Variants in PCDHA7 observed in about 807,000 individuals in gnomAD.
The protein encoded by PCDHA7 is protocadherin alpha 7, also known as protocadherin alpha-7.
PCDHA7 carries 37 observed loss-of-function variants against 57.2 expected under a neutral mutation model. The observed-to-expected ratio is 0.65, with a 90% CI of 0.50 to 0.85. The LOEUF (loss-of-function observed/expected upper bound fraction) is 0.85. Among genes scored for constraint, PCDHA7 ranks in the 40% least tolerant of loss-of-function variants. PCDHA7 has a pLI of 0.00. For missense variants in PCDHA7, 1,188 were observed against 1,241.8 expected (o/e 0.96, Z 0.65); for synonymous variants, 553 against 558.8 (o/e 0.99, Z 0.15).
intron 1 of PCDHA7, chr5:140,869,509 A>T (rs199564677): frequency 3.1e-6 from 5 of 1,614,206 alleles, no homozygotes; most frequent in Non-Finnish European, 3.4e-6. Context: ...GTTCTCGCTC[A>T]GAGAACAAAA....
chr5:140,986,625 C>T (rs1312536887), intron 3 of PCDHA7, among the ~76,000 whole-genome samples: 2 of 152,122 alleles, frequency 1.3e-5, no homozygotes, highest in African/African-American at 4.8e-5. Flanking sequence ...TTACCTAAGG[C>T]AACAGTACAT....
At chr5:140,947,771 T>A (rs1167163964) in intron 1 of PCDHA7, among the ~76,000 whole-genome samples, 1 of 151,706 alleles carries the variant, frequency 6.6e-6, no homozygotes, top group Non-Finnish European at 1.5e-5. Flanking sequence ...AAAATTCTAT[T>A]GTAAATGGAT....
chr5:140,895,428 C>A (rs2065003978), intron 1 of PCDHA7, among the ~76,000 whole-genome samples: 1 of 152,154 alleles, frequency 6.6e-6, no homozygotes, highest in Non-Finnish European at 1.5e-5. Flanking sequence ...TTTGCTTCCT[C>A]CTGAGACTCT....
At chr5:140,948,227 A>G (rs1214697523) in intron 1 of PCDHA7, among the ~76,000 whole-genome samples, 17 of 151,634 alleles carry the variant, frequency 1.1e-4, no homozygotes, top group African/African-American at 4.1e-4. Flanking sequence ...GTTAGATTTA[A>G]CTTGTATTTT....
chr5:140,857,986 A>G (rs782102316), intron 1 of PCDHA7: 4 of 1,596,686 alleles, frequency 2.5e-6, no homozygotes, highest in East Asian at 2.2e-5. Flanking sequence ...GCCAGCGCCT[A>G]CTGGTGCTGG....
In PCDHA7 at chr5:141,010,432, C is replaced by T; in HGVS notation, c.*495C>T. On this transcript the variant is annotated 3_prime_UTR_variant, in exon 4 of 4. Coordinates refer to ENST00000525929, the MANE Select transcript of PCDHA7 (RefSeq NM_018910.3). The stretch of plus-strand genomic sequence containing the variant: ...AATTGGTACAAGGAAGGCAAGAAAA[C>T]AAAGACAAATAAACAGCGGAAGTTA... 1 of 1,056,970 alleles carries T rather than the reference C, an allele frequency of 9.5e-7. No individual in the cohort carries two copies. The highest frequency in any genetic ancestry group is 1.3e-6 in the Non-Finnish European group (1 of 756,282). 65.5% of individuals were successfully genotyped at this position (1,056,970 alleles called of 1,614,324 possible).
chr5:140,850,843 C>T, intron 1 of PCDHA7: 1 of 1,597,346 alleles, frequency 6.3e-7, no homozygotes, highest in African/African-American at 1.3e-5. Flanking sequence ...GCTGGATCTA[C>T]AGAGCGAACG....
At chr5:140,922,369 G>A (rs534587109) in intron 1 of PCDHA7, among the ~76,000 whole-genome samples, 1 of 152,320 alleles carries the variant, frequency 6.6e-6, no homozygotes, top group East Asian at 1.9e-4. Context: ...TTCTCACTGA[G>A]ATGCAAAACC....
intron 1 of PCDHA7, chr5:140,842,374 A>C: frequency 6.2e-7 from 1 of 1,609,340 alleles, no homozygotes; most frequent in Non-Finnish European, 8.5e-7. Flanking sequence ...CTGAGATAGC[A>C]CTGACTTCCT....
intron 1 of PCDHA7, among the ~76,000 whole-genome samples, chr5:140,840,447 C>T (rs1442089035): frequency 1.3e-5 from 2 of 151,740 alleles, no homozygotes; most frequent in East Asian, 1.9e-4. Flanking sequence ...GAAATAGAAA[C>T]GTTAAATAAA....
At position 140,836,731 on chromosome 5, in the gene PCDHA7, C is replaced by T. The variant is rs2150268895; in HGVS notation, c.2348C>T (p.Thr783Ile). Reference protein sequence around the residue: ...SPSLPQGPSSTDNPRQPNPDW... With the variant: ...SPSLPQGPSSIDNPRQPNPDW... ...AGCCTTCCTCAGGGTCCATCCTCTACAGACAATGTGAGTCATAAATAATCT... is the reference window on the plus strand; with the variant it reads ...AGCCTTCCTCAGGGTCCATCCTCTATAGACAATGTGAGTCATAAATAATCT... Residue 783 changes from threonine to isoleucine, a missense_variant, in exon 1 of 4, where the codon ACA (threonine) becomes ATA (isoleucine). This residue lies in a region of PCDHA7 where 892 missense variants were observed against 788.5 expected (regional missense o/e 1.13). Transcript: ENST00000525929. The T allele has an allele frequency of 1.2e-6, 2 of 1,609,678 alleles. No individual in the cohort carries two copies. Among genetic ancestry groups the T allele is most frequent in the Middle Eastern group, 1.6e-4 (1 of 6,066 alleles).
intron 1 of PCDHA7, chr5:140,881,384 G>T (rs1299609025): frequency 2.0e-6 from 2 of 984,186 alleles, no homozygotes; most frequent in Non-Finnish European, 2.4e-6. Flanking sequence ...GCCGGCGGCG[G>T]TAAGTTAAAT....
chr5:140,836,311 C>G lies in PCDHA7; in HGVS notation c.1928C>G (p.Pro643Arg). ...CGAGCCCTAGATGAGACGGACGCAC[C>G]GCGCCACCGCCTTCTGGTGCTTGTG... ...TTRALDETDA[P>R]RHRLLVLVKD... Residue 643 changes from proline to arginine, a missense_variant, in exon 1 of 4, where the codon CCG becomes CGG. This residue lies in a region of PCDHA7 where 892 missense variants were observed against 788.5 expected (regional missense o/e 1.13). Coordinates refer to ENST00000525929, the MANE Select transcript of PCDHA7 (RefSeq NM_018910.3). The G allele has an allele frequency of 6.2e-7, 1 of 1,613,662 alleles. No individual in the cohort carries two copies. The highest frequency in any genetic ancestry group is 8.5e-7 in the Non-Finnish European group (1 of 1,179,814).
intron 3 of PCDHA7, among the ~76,000 whole-genome samples, chr5:141,005,012 G>T (rs782256217): frequency 3.3e-5 from 5 of 152,212 alleles, no homozygotes; most frequent in Non-Finnish European, 4.4e-5. Context: ...CCTGAGAGCT[G>T]CATTATATAT....
intron 1 of PCDHA7, among the ~76,000 whole-genome samples, chr5:140,934,368 C>A (rs2089796426): frequency 6.6e-6 from 1 of 152,102 alleles, no homozygotes; most frequent in African/African-American, 2.4e-5. Context: ...TGCTTTGACT[C>A]CTTCTGTGGT....
intron 1 of PCDHA7, among the ~76,000 whole-genome samples, chr5:140,922,915 A>G (rs1184691604): frequency 6.6e-6 from 1 of 152,224 alleles, no homozygotes; most frequent in Non-Finnish European, 1.5e-5. Context: ...ATACAAATAA[A>G]CTTCAGACTT....
At chr5:140,854,247 T>C (rs782783926) in intron 1 of PCDHA7, 12 of 635,110 alleles carry the variant, frequency 1.9e-5, no homozygotes, top group Non-Finnish European at 2.4e-5. Context: ...TGTTATCACT[T>C]GGTATAAAAT....
rs559093543 is a variant in PCDHA7 at position 140,936,623 on chromosome 5, A to G, written c.2356-42326A>G. Among the ~76,000 whole-genome samples, 3 of 152,312 alleles carry G rather than the reference A, an allele frequency of 2.0e-5. No individual in the cohort carries two copies. The East Asian group carries it at 5.8e-4, about 29-fold the overall frequency. On this transcript the variant is annotated intron_variant, in intron 1 of 3. Transcript: ENST00000525929. ...TTCCTCGCTGCTACTGTGCAGTGCT[A>G]CCTTTGTCATAAGCAACGTGACTTT...
rs543069895 is a variant in PCDHA7, at chr5:140,958,338, G to A, written c.2356-20611G>A. 2.0e-4 allele frequency among the ~76,000 whole-genome samples: 30 copies of A among 152,108 alleles called. No homozygotes were observed. In the South Asian group the frequency reaches 6.0e-3, roughly 31 times the overall value. ...GAGCTCAAAAAATAAATAAATCACA[G>A]GAAGTTCACAGTCTGACTTTATCAG... On this transcript the variant is annotated intron_variant, in intron 1 of 3. Transcript: ENST00000525929.
Sources: allele counts gnomAD v4.1 joint callset (sites outside exome capture counted in the v4.1 genomes callset), GRCh38; gene constraint gnomAD v4.1.1; regional missense constraint gnomAD v4.1.1; transcripts MANE v1.5; gene names NCBI Gene and HGNC (gene_info 2026-07-23, HGNC 2026-07-21).